The following MDM4 variants were observed in gnomAD, a reference collection of about 807,000 sequenced individuals.
MDM4 encodes the protein MDM4 regulator of p53.
A neutral mutation model predicts 60.2 loss-of-function variants in MDM4; 2 were observed. The ratio of observed to expected loss-of-function variants is 0.03; its 90% CI spans 0.01 to 0.10. MDM4 has a LOEUF of 0.10. Ranked by LOEUF, MDM4 falls within the 10% of genes least tolerant of loss-of-function variation. MDM4 has a pLI of 1.00. For synonymous variants in MDM4, 202 were observed against 198.1 expected (o/e 1.02, Z -0.17); for missense variants, 447 against 577.5 (o/e 0.77, Z 2.32).
intron 3 of MDM4, chr1:204,529,115 G>A: frequency 8.1e-7 from 1 of 1,239,390 alleles, no homozygotes; most frequent in Middle Eastern, 2.3e-4. Context: ...AGTTGTCCCA[G>A]TCATAACTGC....
Position 204,553,127 on chromosome 1 carries a change from C to T in MDM4, c.*3445C>T, listed in dbSNP as rs921096784. The stretch of plus-strand genomic sequence containing the variant: ...ACCTCAGGTCATCCACCCACCTCAG[C>T]CTCGCAAAGTGCTGAGATTACAGGC... On this transcript the variant is annotated 3_prime_UTR_variant, in exon 11 of 11. Transcript: ENST00000367182. 1.4e-4 allele frequency: 24 copies of T among 176,668 alleles called. No homozygotes were observed. The highest frequency in any genetic ancestry group is 5.7e-4 in the African/African-American group (24 of 42,246). 10.9% of individuals were successfully genotyped at this position (176,668 alleles called of 1,614,324 possible).
At position 204,554,329 on chromosome 1, in the gene MDM4, A is replaced by G; in HGVS notation, c.*4647A>G. 1 of 225,728 alleles carries G rather than the reference A, an allele frequency of 4.4e-6. No individual in the cohort carries two copies. The highest frequency in any genetic ancestry group is 8.8e-6 in the Non-Finnish European group (1 of 113,518). The allele number at this position is 225,728 out of a possible 1,614,324, so 14.0% of individuals were successfully genotyped here. A position where few individuals can be genotyped will look rare whatever the true frequency, so the allele number is the denominator to read the frequency against. On this transcript the variant is annotated 3_prime_UTR_variant, in exon 11 of 11. Coordinates refer to ENST00000367182, the MANE Select transcript of MDM4 (RefSeq NM_002393.5). Reference sequence around the variant, plus strand: ...GAATCTGTTTTCCATTTAGTCAGTTATCTGCTTAAATTGTTCAGAACTATA... The same window carrying G: ...GAATCTGTTTTCCATTTAGTCAGTTGTCTGCTTAAATTGTTCAGAACTATA...
intron 10 of MDM4, among the ~76,000 whole-genome samples, chr1:204,548,172 C>A (rs1662854746): frequency 6.6e-6 from 1 of 152,250 alleles, no homozygotes; most frequent in African/African-American, 2.4e-5. Flanking sequence ...GCCAATTAAA[C>A]TGTGGCACAC....
chr1:204,528,067 G>C (rs1291303529), intron 3 of MDM4, among the ~76,000 whole-genome samples: 3 of 137,248 alleles, frequency 2.2e-5, no homozygotes, highest in Admixed American at 8.0e-5. Flanking sequence ...ACTTATTAAA[G>C]TCTGGAATTT....
chr1:204,520,923 G>A (rs1572445816), intron 1 of MDM4, among the ~76,000 whole-genome samples: 2 of 152,250 alleles, frequency 1.3e-5, no homozygotes, highest in Non-Finnish European at 2.9e-5. Context: ...AATGGGCCAT[G>A]TGTGGATGAA....
rs374864995 is a variant in MDM4 at position 204,520,508 on chromosome 1, G to A, written c.-36+3999G>A. On this transcript the variant is annotated intron_variant, in intron 1 of 10. Transcript: ENST00000367182. ...GGGTTCAGGATGATTATTATTGCAG[G>A]AAGGCAGCAAAATGGGATGGGGGAT... Among the ~76,000 whole-genome samples the A allele has an allele frequency of 9.9e-5, 15 of 152,174 alleles. No homozygotes were observed. The South Asian group carries it at 1.9e-3, about 19-fold the overall frequency.
rs1396141993 is a variant in MDM4, at chr1:204,549,154, A to G, written c.945A>G (p.Pro315=). The G allele has an allele frequency of 1.2e-6, 2 of 1,613,152 alleles. No individual in the cohort carries two copies. Among genetic ancestry groups the G allele is most frequent in the Non-Finnish European group, 1.7e-6 (2 of 1,179,602 alleles). The change falls in exon 11 of 11, where the codon CCA becomes CCG. Residue 315 remains proline, a synonymous_variant. Coordinates refer to ENST00000367182, the MANE Select transcript of MDM4 (RefSeq NM_002393.5). ...CTGAATGCAAGAAATTTAACTCTCC[A>G]AGCAAGAGGTACTGTTTTCGTTGTT... ...QCTECKKFNS[P]SKRYCFRCWA... is the part of the protein sequence containing the mutation.
intron 1 of MDM4, among the ~76,000 whole-genome samples, chr1:204,517,283 GA>G (rs1265031779): frequency 6.6e-6 from 1 of 151,836 alleles, no homozygotes; most frequent in Non-Finnish European, 1.5e-5. Flanking sequence ...GGGCCACACT[GA>G]AACCTACAGA....
At chr1:204,525,383 G>C in intron 1 of MDM4, 101 bp from the exon 2 acceptor site, 1 of 1,442,174 alleles carries the variant, frequency 6.9e-7, no homozygotes. Flanking sequence ...CATTATATGT[G>C]TCATATGTGT....
intron 5 of MDM4, among the ~76,000 whole-genome samples, chr1:204,533,561 T>C (rs2102368151): frequency 6.6e-6 from 1 of 152,336 alleles, no homozygotes; most frequent in Non-Finnish European, 1.5e-5. Context: ...TTTTGCTGTG[T>C]TGCTCAGGCT....
At chr1:204,537,903 T>A (rs1265002365) in intron 6 of MDM4, 1 of 683,800 alleles carries the variant, frequency 1.5e-6, no homozygotes, top group Admixed American at 1.8e-5. Context: ...GTTTCATATG[T>A]TTTCTGAATT....
At chr1:204,528,815 G>A (rs560817219) in intron 3 of MDM4, 1 of 1,399,014 alleles carries the variant, frequency 7.1e-7, no homozygotes. Context: ...AAGGTCCCTG[G>A]TGCACTCCAC....
chr1:204,532,705 A>C (rs866539563), intron 5 of MDM4: 3 of 1,559,908 alleles, frequency 1.9e-6, no homozygotes, highest in East Asian at 2.3e-5. Context: ...GATATGTCTC[A>C]TAAGTGTCTT....
intron 10 of MDM4, 114 bp from the exon 11 acceptor site, chr1:204,548,999 A>G: frequency 1.4e-6 from 1 of 697,856 alleles, no homozygotes; most frequent in Non-Finnish European, 2.5e-6. Context: ...CCTAGGCTAG[A>G]TCACTGGTGT....
chr1:204,538,926 A>G (rs1019351873), intron 7 of MDM4, among the ~76,000 whole-genome samples: 3 of 147,654 alleles, frequency 2.0e-5, no homozygotes, highest in African/African-American at 7.5e-5. Flanking sequence ...GCTGAGTGCA[A>G]TGGTGTGATC....
intron 3 of MDM4, chr1:204,529,056 C>T: frequency 4.0e-6 from 6 of 1,486,086 alleles, no homozygotes; most frequent in Non-Finnish European, 5.6e-6. Flanking sequence ...CAGGTTGTAG[C>T]CCATTTGGGA....
chr1:204,522,198 T>A (rs898999863), intron 1 of MDM4, among the ~76,000 whole-genome samples: 1 of 151,690 alleles, frequency 6.6e-6, no homozygotes, highest in Non-Finnish European at 1.5e-5. Flanking sequence ...CATGGTGGCA[T>A]GCACCTGTAG....
rs1663208057 is a variant in MDM4, at chr1:204,551,539, G to T, written c.*1857G>T. The T allele has an allele frequency of 5.2e-6, 1 of 192,286 alleles. No homozygotes were observed. Among genetic ancestry groups the T allele is most frequent in the Non-Finnish European group, 1.0e-5 (1 of 99,834 alleles). 11.9% of individuals were successfully genotyped at this position (192,286 alleles called of 1,614,324 possible). On this transcript the variant is annotated 3_prime_UTR_variant, in exon 11 of 11. Coordinates refer to ENST00000367182, the MANE Select transcript of MDM4 (RefSeq NM_002393.5). Reference sequence around the variant, plus strand: ...GTGAAAAGGGAGGTAAAGAGAAATGGTAGATCTGAAGAGGCCTCATCAGAG... The same window carrying T: ...GTGAAAAGGGAGGTAAAGAGAAATGTTAGATCTGAAGAGGCCTCATCAGAG...
chr1:204,530,870 T>G, intron 4 of MDM4, 53 bp downstream of exon 4: 2 of 1,608,266 alleles, frequency 1.2e-6, no homozygotes, highest in Non-Finnish European at 1.7e-6. Flanking sequence ...CCTAGCCACT[T>G]AATTTCTATG....
Sources: allele counts gnomAD v4.1 joint callset (sites outside exome capture counted in the v4.1 genomes callset), GRCh38; gene constraint gnomAD v4.1.1; transcripts MANE v1.5; gene names NCBI Gene and HGNC (gene_info 2026-07-23, HGNC 2026-07-21).